ZC3H12B: variants seen among roughly 807,000 people sequenced by gnomAD.
ZC3H12B encodes the protein probable ribonuclease ZC3H12B.
ZC3H12B carries 7 observed loss-of-function variants against 43.9 expected under a neutral mutation model. The observed-to-expected ratio is 0.16, with a 90% CI of 0.09 to 0.30. ZC3H12B has a LOEUF of 0.30. Ranked by LOEUF, ZC3H12B falls within the 10% of genes least tolerant of loss-of-function variation. ZC3H12B has a pLI of 1.00. For missense variants in ZC3H12B, 475 were observed against 670.2 expected (o/e 0.71, Z 3.22); for synonymous variants, 222 against 241.7 (o/e 0.92, Z 0.76).
At chrX:65,112,228 T>C in the ZC3H12B span, among the ~76,000 whole-genome samples, 5 of 111,929 alleles carry the variant, frequency 4.5e-5, no homozygotes, top group South Asian at 3.7e-4. Context: ...TCTTCAATTA[T>C]ATGAGGGCTG....
intron 2 of ZC3H12B, among the ~76,000 whole-genome samples, chrX:65,387,770 G>GGCTGGTA (rs1428941399): frequency 8.9e-6 from 1 of 112,662 alleles, no homozygotes; most frequent in Non-Finnish European, 1.9e-5. Context: ...TTTTTGCAGT[G>GGCTGGTA]GCTGGTACTG....
the ZC3H12B span, among the ~76,000 whole-genome samples, chrX:65,192,507 T>C: frequency 2.7e-5 from 3 of 111,353 alleles, no homozygotes; most frequent in Non-Finnish European, 5.6e-5. Context: ...GCTTTTATTT[T>C]ATTGAGGTAT....
chrX:65,501,762 G>A, intron 4 of ZC3H12B, 27 bp from the exon 10 acceptor site: 1 of 1,114,890 alleles, frequency 9.0e-7, no homozygotes, highest in Non-Finnish European at 1.2e-6. Flanking sequence ...CTGAGAGAGA[G>A]TCTTACCCCA....
At chrX:65,288,010 C>A in the ZC3H12B span, among the ~76,000 whole-genome samples, 1 of 93,434 alleles carries the variant, frequency 1.1e-5, no homozygotes, top group Non-Finnish European at 1.9e-5. Context: ...ATATATATAT[C>A]ACCAGAGACT....
At chrX:65,275,809 A>G in the ZC3H12B span, among the ~76,000 whole-genome samples, 12 of 112,473 alleles carry the variant, frequency 1.1e-4, no homozygotes, top group Middle Eastern at 4.6e-3. Context: ...ATAATATGAA[A>G]CGTCCAAAGG....
chrX:65,226,826 A>T, the ZC3H12B span, among the ~76,000 whole-genome samples: 4 of 111,988 alleles, frequency 3.6e-5, no homozygotes, highest in Non-Finnish European at 5.6e-5. Flanking sequence ...CAACCAGAAG[A>T]GCTAACTATC....
the ZC3H12B span, chrX:65,270,765 TG>T: frequency 8.9e-6 from 1 of 111,888 alleles, no homozygotes; most frequent in Non-Finnish European, 1.9e-5. Context: ...CACTGACTTC[TG>T]GAAGAGTCAT....
At chrX:65,240,757 G>A in the ZC3H12B span, among the ~76,000 whole-genome samples, 9,996 of 111,722 alleles carry the variant, frequency 0.089, 1,063 homozygotes, top group African/African-American at 0.29. Flanking sequence ...TATTTGTAGC[G>A]GTTTTTGTTA....
chrX:65,127,373 G>C, the ZC3H12B span, among the ~76,000 whole-genome samples: 34 of 112,381 alleles, frequency 3.0e-4, no homozygotes, highest in Non-Finnish European at 3.8e-5. Flanking sequence ...TCTTGCAGCT[G>C]TGGATACCAG....
At chrX:65,290,712 G>A in the ZC3H12B span, among the ~76,000 whole-genome samples, 1 of 111,327 alleles carries the variant, frequency 9.0e-6, no homozygotes, top group East Asian at 2.8e-4. Flanking sequence ...CAACATGGAT[G>A]GAACTAGAGG....
the ZC3H12B span, among the ~76,000 whole-genome samples, chrX:65,207,208 A>C: frequency 9.3e-5 from 10 of 106,987 alleles, no homozygotes; most frequent in Non-Finnish European, 1.7e-4. Context: ...ACTTGCACAC[A>C]CATGTTTATA....
chrX:65,249,003 T>C, the ZC3H12B span, among the ~76,000 whole-genome samples: 10 of 111,607 alleles, frequency 9.0e-5, no homozygotes, highest in African/African-American at 3.3e-4. Context: ...GGATAGATCG[T>C]GAAGGTTTTT....
At chrX:65,194,734 G>C in the ZC3H12B span, among the ~76,000 whole-genome samples, 1 of 112,035 alleles carries the variant, frequency 8.9e-6, no homozygotes, top group Non-Finnish European at 1.9e-5. Flanking sequence ...TTGATTTTCT[G>C]TCTGAATGAT....
the ZC3H12B span, among the ~76,000 whole-genome samples, chrX:65,359,117 G>T: frequency 9.1e-6 from 1 of 110,363 alleles, no homozygotes; most frequent in Non-Finnish European, 1.9e-5. Flanking sequence ...CTACAACATG[G>T]TTTATTGAAC....
At chrX:65,450,901 A>G (rs112644037) in intron 3 of ZC3H12B, among the ~76,000 whole-genome samples, 3 of 90,519 alleles carry the variant, frequency 3.3e-5, no homozygotes, top group African/African-American at 1.2e-4. Flanking sequence ...ATGTATATAT[A>G]TACATATATA....
At chrX:65,293,366 C>G in the ZC3H12B span, among the ~76,000 whole-genome samples, 5 of 110,395 alleles carry the variant, frequency 4.5e-5, no homozygotes, top group Admixed American at 1.9e-4. Context: ...CTCTTGAGCC[C>G]CAGATCTTCG....
At chrX:65,479,156 C>A (rs1446473695) in intron 3 of ZC3H12B, among the ~76,000 whole-genome samples, 1 of 110,970 alleles carries the variant, frequency 9.0e-6, no homozygotes, top group Non-Finnish European at 1.9e-5. Context: ...TGGAGAAGCT[C>A]TAAATTTGTT....
intron 1 of ZC3H12B, among the ~76,000 whole-genome samples, chrX:65,494,247 A>G (rs964414844): frequency 9.1e-6 from 1 of 110,304 alleles, no homozygotes; most frequent in African/African-American, 3.3e-5. Context: ...ATTTTTAATG[A>G]TTATATGTAT....
At chrX:65,325,651 A>AT in the ZC3H12B span, among the ~76,000 whole-genome samples, 1 of 111,620 alleles carries the variant, frequency 9.0e-6, no homozygotes, top group East Asian at 2.8e-4. Context: ...TTGAAGAATT[A>AT]TTTTTTCAAA....
Sources: allele counts gnomAD v4.1 joint callset (sites outside exome capture counted in the v4.1 genomes callset), GRCh38; gene constraint gnomAD v4.1.1; transcripts MANE v1.5; gene names NCBI Gene and HGNC (gene_info 2026-07-23, HGNC 2026-07-21).